Variants in GALNTL6 observed in about 807,000 individuals in gnomAD.
GALNTL6 encodes the protein polypeptide N-acetylgalactosaminyltransferase like 6, also known as polypeptide N-acetylgalactosaminyltransferase-like 6.
A neutral mutation model predicts 73.7 loss-of-function variants in GALNTL6; 46 were observed. The ratio of observed to expected loss-of-function variants is 0.62; its 90% CI spans 0.49 to 0.80. GALNTL6 has a LOEUF of 0.80. Ranked by LOEUF, GALNTL6 falls within the 30% of genes least tolerant of loss-of-function variation. The pLI is 0.00. For synonymous variants in GALNTL6, 259 were observed against 263.7 expected, an observed-to-expected ratio of 0.98 and a Z score of 0.17; for missense variants, 604 against 755.0, an observed-to-expected ratio of 0.80 and a Z score of 2.34.
At chr4:172,172,501 C>CT (rs551558034) in intron 2 of GALNTL6, among the ~76,000 whole-genome samples, 105 of 152,038 alleles carry the variant, frequency 6.9e-4, no homozygotes, top group African/African-American at 2.3e-3. Context: ...CCAGCTATGA[C>CT]TAGCATTTTT....
intron 7 of GALNTL6, among the ~76,000 whole-genome samples, chr4:172,832,920 C>A (rs995142445): frequency 6.6e-6 from 1 of 152,174 alleles, no homozygotes; most frequent in Admixed American, 6.5e-5. Flanking sequence ...GGGCGGTGAT[C>A]CCCACCAGCT....
chr4:173,014,812 G>T (rs879489561), intron 11 of GALNTL6, among the ~76,000 whole-genome samples: 1 of 151,992 alleles, frequency 6.6e-6, no homozygotes, highest in East Asian at 1.9e-4. Flanking sequence ...TAATACAAAC[G>T]GACCCAGGCA....
chr4:172,563,889 C>T (rs769816822), intron 5 of GALNTL6, among the ~76,000 whole-genome samples: 8 of 152,104 alleles, frequency 5.3e-5, no homozygotes, highest in Non-Finnish European at 1.0e-4. Flanking sequence ...TTGAGAGGAA[C>T]TTATAGTTCT....
chr4:172,736,376 G>A (rs1837128), intron 5 of GALNTL6, among the ~76,000 whole-genome samples: 77,302 of 152,046 alleles, frequency 0.51, 20,664 homozygotes, highest in African/African-American at 0.68. Flanking sequence ...TCGCTTTTGC[G>A]AGAAGAGAAA....
chr4:172,056,234 A>G (rs1003907561), intron 2 of GALNTL6, among the ~76,000 whole-genome samples: 3 of 152,114 alleles, frequency 2.0e-5, no homozygotes, highest in African/African-American at 7.2e-5. Flanking sequence ...TTTTCTGCAT[A>G]ACATTGAAGT....
chr4:171,886,185 A>T (rs1736602476), intron 2 of GALNTL6, among the ~76,000 whole-genome samples: 1 of 152,304 alleles, frequency 6.6e-6, no homozygotes, highest in Non-Finnish European at 1.5e-5. Context: ...AAATAAAAAT[A>T]TAATTCAATT....
At chr4:172,380,399 C>T in intron 5 of GALNTL6, 1 of 638,500 alleles carries the variant, frequency 1.6e-6, no homozygotes, top group East Asian at 3.5e-5. Flanking sequence ...ATGGATGTTG[C>T]TCTCATATGG....
At chr4:172,776,043 C>A (rs1369398387) in intron 5 of GALNTL6, among the ~76,000 whole-genome samples, 2 of 152,126 alleles carry the variant, frequency 1.3e-5, no homozygotes, top group South Asian at 4.1e-4. Flanking sequence ...CAGCTGATAC[C>A]TTGATTGCAG....
At chr4:172,003,958 T>C (rs897296677) in intron 2 of GALNTL6, among the ~76,000 whole-genome samples, 12 of 152,196 alleles carry the variant, frequency 7.9e-5, no homozygotes, top group Admixed American at 3.9e-4. Flanking sequence ...GGTCAATTTC[T>C]GGCTTTTGAG....
intron 3 of GALNTL6, among the ~76,000 whole-genome samples, chr4:172,263,354 T>C (rs1400879881): frequency 1.3e-5 from 2 of 151,206 alleles, no homozygotes; most frequent in Non-Finnish European, 3.0e-5. Context: ...TTGGGTTGAT[T>C]TGAAAGCCTT....
At chr4:172,563,451 C>G (rs1736449807) in intron 5 of GALNTL6, among the ~76,000 whole-genome samples, 1 of 152,166 alleles carries the variant, frequency 6.6e-6, no homozygotes, top group Non-Finnish European at 1.5e-5. Context: ...TGAATTTATG[C>G]TTCTCACATT....
At chr4:172,498,752 A>G (rs1306265209) in intron 5 of GALNTL6, among the ~76,000 whole-genome samples, 2 of 152,204 alleles carry the variant, frequency 1.3e-5, no homozygotes, top group Non-Finnish European at 1.5e-5. Context: ...GCTTAGTTCT[A>G]TGATCAACTC....
intron 5 of GALNTL6, among the ~76,000 whole-genome samples, chr4:172,641,982 C>T (rs1319677786): frequency 2.0e-5 from 3 of 151,922 alleles, no homozygotes; most frequent in Admixed American, 1.3e-4. Flanking sequence ...AAAGAGTGCT[C>T]AACAACACTA....
chr4:172,565,280 G>A (rs1198261559), intron 5 of GALNTL6, among the ~76,000 whole-genome samples: 2 of 152,062 alleles, frequency 1.3e-5, no homozygotes, highest in African/African-American at 4.8e-5. Context: ...TCTTTTTTTG[G>A]ATAGTTTGTT....
intron 2 of GALNTL6, among the ~76,000 whole-genome samples, chr4:171,924,190 A>ACACT (rs1454809065): frequency 1.4e-5 from 2 of 148,142 alleles, no homozygotes; most frequent in African/African-American, 5.2e-5. Context: ...ACATACACAC[A>ACACT]CACACACACA....
At chr4:172,836,923 G>A (rs753508202) in intron 7 of GALNTL6, among the ~76,000 whole-genome samples, 55 of 152,296 alleles carry the variant, frequency 3.6e-4, no homozygotes, top group Middle Eastern at 3.4e-3. Flanking sequence ...ATTCATTAAA[G>A]CACTTCCCTG....
intron 10 of GALNTL6, among the ~76,000 whole-genome samples, chr4:172,968,773 A>T (rs971684859): frequency 6.6e-6 from 1 of 152,134 alleles, no homozygotes; most frequent in Non-Finnish European, 1.5e-5. Context: ...GTGCCCCTAT[A>T]AAAAGGCCAT....
chr4:172,965,476 G>A (rs943334688), intron 10 of GALNTL6, among the ~76,000 whole-genome samples: 3 of 151,984 alleles, frequency 2.0e-5, no homozygotes, highest in Admixed American at 1.3e-4. Flanking sequence ...CCAGCTACTC[G>A]GGAGGCTGAG....
intron 5 of GALNTL6, among the ~76,000 whole-genome samples, chr4:172,717,275 TA>T (rs1231385136): frequency 6.6e-6 from 1 of 152,196 alleles, no homozygotes; most frequent in Non-Finnish European, 1.5e-5. Flanking sequence ...GGCATCAGGC[TA>T]GAAAGAGTTT....
Sources: allele counts gnomAD v4.1 joint callset (sites outside exome capture counted in the v4.1 genomes callset), GRCh38; gene constraint gnomAD v4.1.1; transcripts MANE v1.5; gene names NCBI Gene and HGNC (gene_info 2026-07-23, HGNC 2026-07-21).